TNR: variants seen among roughly 807,000 people sequenced by gnomAD.
The protein encoded by TNR is tenascin R.
In TNR, 45 loss-of-function variants were observed where a neutral mutation model predicts 150.4. That is an observed-to-expected ratio of 0.30 (90% CI 0.24 to 0.38). The LOEUF (loss-of-function observed/expected upper bound fraction) is 0.38, where lower values mean the gene tolerates loss of function less well. TNR is among the 10% of genes least tolerant of loss of function. TNR has a pLI of 1.00. For synonymous variants in TNR, 687 were observed against 678.4 expected (o/e 1.01, Z -0.20); for missense variants, 1,544 against 1,759.1 (o/e 0.88, Z 2.19).
intron 16 of TNR, 25 bp downstream of exon 16, chr1:175,356,294 G>T (rs772479959): frequency 1.2e-6 from 2 of 1,613,408 alleles, no homozygotes; most frequent in Non-Finnish European, 1.7e-6. Flanking sequence ...CAGGGATACG[G>T]GTATGTAGGT....
rs960058801 is a variant in TNR, at chr1:175,406,684, T to G, written c.31A>C (p.Lys11Gln). 6.2e-7 allele frequency: 1 copy of G among 1,614,042 alleles called. No homozygotes were observed. Among genetic ancestry groups the G allele is most frequent in the Admixed American group, 1.7e-5 (1 of 59,998 alleles). ...AGGTTGATGCCAATGAGCATGTTCT[T>G]CAGAACCACTGTTTCCCCATCTGCC... MGADGETVVL[K>Q]NMLIGINLIL... The change falls in exon 3 of 23, where the codon AAG becomes CAG. Residue 11 changes from lysine to glutamine, a missense_variant. Transcript: ENST00000367674.
intron 1 of TNR, among the ~76,000 whole-genome samples, chr1:175,601,706 G>C (rs533955186): frequency 6.6e-6 from 1 of 152,282 alleles, no homozygotes; most frequent in African/African-American, 2.4e-5. Flanking sequence ...AATACCTAGA[G>C]AGAAATCGCT....
chr1:175,352,938 C>T, intron 18 of TNR, among the ~76,000 whole-genome samples: 1 of 152,116 alleles, frequency 6.6e-6, no homozygotes, highest in East Asian at 1.9e-4. Flanking sequence ...TCTCTCACCT[C>T]TCTGGGGATG....
At chr1:175,350,883 T>A (rs1651019841) in intron 18 of TNR, among the ~76,000 whole-genome samples, 1 of 152,178 alleles carries the variant, frequency 6.6e-6, no homozygotes, top group South Asian at 2.1e-4. Context: ...TGGGCCAAAC[T>A]TTAAGCTCTC....
At chr1:175,505,398 G>T (rs1229778425) in intron 2 of TNR, among the ~76,000 whole-genome samples, 1 of 152,228 alleles carries the variant, frequency 6.6e-6, no homozygotes, top group African/African-American at 2.4e-5. Flanking sequence ...CAGGGAGACC[G>T]CGCGCTAAGC....
intron 2 of TNR, among the ~76,000 whole-genome samples, chr1:175,416,276 T>A (rs1654443275): frequency 6.6e-6 from 1 of 152,192 alleles, no homozygotes; most frequent in South Asian, 2.1e-4. Context: ...TGGGAATGAT[T>A]TGCCCAAGAC....
At chr1:175,331,195 T>C (rs1414807919) in intron 20 of TNR, among the ~76,000 whole-genome samples, 1 of 134,802 alleles carries the variant, frequency 7.4e-6, no homozygotes, top group Non-Finnish European at 1.6e-5. Flanking sequence ...CCTTCCTTCC[T>C]TCCTTCCTTC....
intron 1 of TNR, among the ~76,000 whole-genome samples, chr1:175,681,052 C>A (rs1666019229): frequency 6.6e-6 from 1 of 152,102 alleles, no homozygotes; most frequent in Non-Finnish European, 1.5e-5. Flanking sequence ...CATAGGAAGA[C>A]CCTTTGAGGG....
intron 1 of TNR, among the ~76,000 whole-genome samples, chr1:175,608,054 A>G (rs1378031405): frequency 6.6e-6 from 1 of 152,232 alleles, no homozygotes; most frequent in Non-Finnish European, 1.5e-5. Flanking sequence ...TGCTGTCTGT[A>G]CAAGTTCTCC....
intron 1 of TNR, among the ~76,000 whole-genome samples, chr1:175,732,288 G>A (rs1032585739): frequency 3.3e-5 from 5 of 152,212 alleles, no homozygotes; most frequent in Non-Finnish European, 1.5e-5. Context: ...TGGCCCACAA[G>A]TGGATGAGTA....
chr1:175,604,795 C>T (rs1374946131), intron 1 of TNR, among the ~76,000 whole-genome samples: 3 of 152,180 alleles, frequency 2.0e-5, no homozygotes, highest in African/African-American at 4.8e-5. Context: ...GTCCCTAGCG[C>T]CCTCATTCTG....
In TNR at chr1:175,315,673, A is replaced by AC. The variant is rs1399972579; in HGVS notation, c.*7683dup. On this transcript the variant is annotated 3_prime_UTR_variant, in exon 23 of 23. Transcript: ENST00000367674. The stretch of plus-strand genomic sequence containing the variant: ...CAGCTGCTCGGAGCCCCAGTTAATG[A>AC]CCCCCTCAGTGTCACAGTGATTTGC... The AC allele has an allele frequency of 1.3e-5, 2 of 151,726 alleles. No homozygotes were observed. The highest frequency in any genetic ancestry group is 4.9e-5 in the African/African-American group (2 of 41,232). The allele number at this position is 151,726 out of a possible 1,614,324, so 9.4% of individuals were successfully genotyped here. A position where few individuals can be genotyped will look rare whatever the true frequency, so the allele number is the denominator to read the frequency against.
intron 2 of TNR, among the ~76,000 whole-genome samples, chr1:175,407,756 C>T (rs1439771171): frequency 6.6e-6 from 1 of 152,156 alleles, no homozygotes; most frequent in Non-Finnish European, 1.5e-5. Flanking sequence ...ACATGACCCT[C>T]AGGACAACCT....
chr1:175,613,993 G>T (rs770212316), intron 1 of TNR, among the ~76,000 whole-genome samples: 5 of 152,098 alleles, frequency 3.3e-5, no homozygotes, highest in Non-Finnish European at 7.4e-5. Flanking sequence ...GTGGTCCTAG[G>T]CAAGTTACTT....
At chr1:175,389,553 T>C (rs1304446044) in intron 7 of TNR, among the ~76,000 whole-genome samples, 2 of 152,242 alleles carry the variant, frequency 1.3e-5, no homozygotes, top group East Asian at 1.9e-4. Flanking sequence ...ATTACGTTTC[T>C]ACATGGCTGT....
At chr1:175,739,820 G>A (rs1312806174) in intron 1 of TNR, among the ~76,000 whole-genome samples, 2 of 152,132 alleles carry the variant, frequency 1.3e-5, no homozygotes, top group Non-Finnish European at 2.9e-5. Context: ...TCTTTACTAA[G>A]CTCACATAGG....
At chr1:175,524,441 G>A (rs573555614) in intron 2 of TNR, among the ~76,000 whole-genome samples, 1 of 152,042 alleles carries the variant, frequency 6.6e-6, no homozygotes, top group East Asian at 1.9e-4. Context: ...TTTTAATGGA[G>A]ACCAAGTATT....
chr1:175,721,535 A>G (rs1667300614), intron 1 of TNR, among the ~76,000 whole-genome samples: 1 of 152,176 alleles, frequency 6.6e-6, no homozygotes, highest in African/African-American at 2.4e-5. Context: ...GACTCTCTTG[A>G]AACCCGTTAG....
chr1:175,742,630 G>T (rs1667963583), intron 1 of TNR, among the ~76,000 whole-genome samples: 1 of 152,102 alleles, frequency 6.6e-6, no homozygotes, highest in Admixed American at 6.6e-5. Context: ...CACTTACCAT[G>T]GGTTCACACC....
Sources: allele counts gnomAD v4.1 joint callset (sites outside exome capture counted in the v4.1 genomes callset), GRCh38; gene constraint gnomAD v4.1.1; transcripts MANE v1.5; gene names NCBI Gene and HGNC (gene_info 2026-07-23, HGNC 2026-07-21).